The following RPL38 variants were observed in gnomAD, a reference collection of about 807,000 sequenced individuals.
RPL38 encodes the protein large ribosomal subunit protein eL38.
In RPL38, 2 loss-of-function variants were observed where a neutral mutation model predicts 12.8. The observed-to-expected ratio is 0.16, with a 90% CI of 0.06 to 0.49. The LOEUF (loss-of-function observed/expected upper bound fraction) is 0.49. RPL38 is among the 20% of genes least tolerant of loss of function. The pLI is 0.96. For synonymous variants in RPL38, 42 were observed against 30.1 expected (o/e 1.39, Z -1.29); for missense variants, 52 against 79.8 (o/e 0.65, Z 1.33).
intron 3 of RPL38, among the ~76,000 whole-genome samples, chr17:74,207,938 G>A (rs2050130097): frequency 6.6e-6 from 1 of 152,226 alleles, no homozygotes; most frequent in African/African-American, 2.4e-5. Flanking sequence ...TTAAGAACGA[G>A]AGTCCAGGCA....
intron 3 of RPL38, among the ~76,000 whole-genome samples, chr17:74,207,015 C>A (rs1424477042): frequency 3.3e-5 from 5 of 151,786 alleles, no homozygotes; most frequent in Non-Finnish European, 7.4e-5. Flanking sequence ...TGTGCCCGGC[C>A]TGCAATTTGC....
chr17:74,204,271 GC>G, intron 3 of RPL38, 81 bp downstream of exon 3: 2 of 1,318,110 alleles, frequency 1.5e-6, no homozygotes, highest in Non-Finnish European at 2.2e-6. Context: ...GGAATGTCAG[GC>G]AGGAGACGGT....
intron 3 of RPL38, among the ~76,000 whole-genome samples, chr17:74,206,726 T>C (rs4399563): frequency 0.012 from 1,815 of 145,294 alleles, 19 homozygotes; most frequent in African/African-American, 0.042. Context: ...TTTTTTTTTT[T>C]TTTTGACATG....
intron 2 of RPL38, 38 bp from the exon 3 acceptor site, chr17:74,204,092 T>A (rs1170021953): frequency 6.2e-7 from 1 of 1,613,394 alleles, no homozygotes; most frequent in Non-Finnish European, 8.5e-7. Context: ...GAGACGTGTC[T>A]CTTTCCTCTC....
At chr17:74,207,386 T>G (rs115941243) in intron 3 of RPL38, among the ~76,000 whole-genome samples, 2,854 of 152,312 alleles carry the variant, frequency 0.019, 94 homozygotes, top group African/African-American at 0.065. Context: ...GACATTGGGT[T>G]GCTTCTACAT....
rs757293319 is a variant in RPL38, at chr17:74,204,215, AGAAGAGC to A, written c.64+27_64+33del. ...TGTAAGTGGTTGCTCCGAAGGTTCAAGAAGAGCGGTGCCTAGCCTGGCACCGCTCCGG... is the reference window on the plus strand; with the variant it reads ...TGTAAGTGGTTGCTCCGAAGGTTCAAGGTGCCTAGCCTGGCACCGCTCCGG... On this transcript the variant is annotated intron_variant, in intron 3 of 4. Coordinates refer to ENST00000311111, the MANE Select transcript of RPL38 (RefSeq NM_000999.4). 10 of 1,611,410 alleles carry A rather than the reference AGAAGAGC, an allele frequency of 6.2e-6. No homozygotes were observed. The Middle Eastern group carries it at 8.3e-4, about 133-fold the overall frequency.
rs1216661528 is a variant in RPL38 at position 74,203,746 on chromosome 17, G to A, written c.-39+1G>A. On this transcript the variant is annotated splice_donor_variant, in intron 1 of 4. Transcript: ENST00000311111. LOFTEE classifies it low-confidence loss of function (5UTR_SPLICE). ...CTAGGGTGATACGTGGGTGAGAAAG[G>A]TAATCTGGGGCAATCCACTGCCAGG... is the stretch of plus-strand genomic sequence containing the variant. 1.6e-5 allele frequency: 10 copies of A among 615,216 alleles called. No homozygotes were observed. Among genetic ancestry groups the A allele is most frequent in the African/African-American group, 3.7e-5 (2 of 53,948 alleles). 38.1% of individuals were successfully genotyped at this position (615,216 alleles called of 1,614,324 possible). A position where few individuals can be genotyped will look rare whatever the true frequency, so the allele number is the denominator to read the frequency against.
chr17:74,210,616 T>C lies in RPL38; in HGVS notation c.*787T>C, dbSNP rs2050159315. On this transcript the variant is annotated 3_prime_UTR_variant, in exon 5 of 5. Transcript: ENST00000311111. ...GCTGTGCCACAGCGGGCAGCCCCTC[T>C]GGAAATGACTGGCATCATAAAATCT... 3.3e-5 allele frequency: 5 copies of C among 152,256 alleles called. No homozygotes were observed. Among genetic ancestry groups the C allele is most frequent in the Admixed American group, 3.3e-4 (5 of 15,284 alleles). The allele number at this position is 152,256 out of a possible 1,614,324, so 9.4% of individuals were successfully genotyped here.
intron 2 of RPL38, 82 bp from the exon 3 acceptor site, chr17:74,204,048 G>T: frequency 6.2e-7 from 1 of 1,609,594 alleles, no homozygotes; most frequent in African/African-American, 1.3e-5. Context: ...ATCTCCTGAG[G>T]CCGGGAGAAG....
intron 3 of RPL38, 119 bp from the exon 4 acceptor site, chr17:74,209,068 G>A: frequency 9.9e-7 from 1 of 1,005,282 alleles, no homozygotes; most frequent in Non-Finnish European, 1.5e-6. Flanking sequence ...CAGAGGGATG[G>A]TACTGGAGGT....
At position 74,209,216 on chromosome 17, in the gene RPL38, G is replaced by T. The variant is rs949286588; in HGVS notation, c.94G>T (p.Val32Leu). 6.2e-7 allele frequency: 1 copy of T among 1,613,934 alleles called. No homozygotes were observed. The highest frequency in any genetic ancestry group is 8.5e-7 in the Non-Finnish European group (1 of 1,179,910). ...SVKIKKNKDNVKFKVRCSRYL... is the reference protein window; with the variant it reads ...SVKIKKNKDNLKFKVRCSRYL... ...CAAGATCAAGAAAAATAAGGACAAC[G>T]TGAAGTTTAAAGTTCGATGCAGCAG... is the stretch of plus-strand genomic sequence containing the variant. Residue 32 changes from valine (V) to leucine (L), a missense_variant, in exon 4 of 5, where the codon GTG (valine) becomes TTG (leucine). Physicochemically the swap from Val to Leu is conservative, Grantham distance 32. Coordinates refer to ENST00000311111, the MANE Select transcript of RPL38 (RefSeq NM_000999.4).
rs1423577209 is a variant in RPL38, at chr17:74,210,632, C to T, written c.*803C>T. ...CAGCCCCTCTGGAAATGACTGGCAT[C>T]ATAAAATCTGTCTTCATACCCGAGG... On this transcript the variant is annotated 3_prime_UTR_variant, in exon 5 of 5. Transcript: ENST00000311111. 2 of 152,262 alleles carry T rather than the reference C, an allele frequency of 1.3e-5. No individual in the cohort carries two copies. The highest frequency in any genetic ancestry group is 1.3e-4 in the Admixed American group (2 of 15,284). 9.4% of individuals were successfully genotyped at this position (152,262 alleles called of 1,614,324 possible). A position where few individuals can be genotyped will look rare whatever the true frequency, so the allele number is the denominator to read the frequency against.
At chr17:74,205,348 T>C (rs1217649605) in intron 3 of RPL38, 2 of 152,216 alleles carry the variant, frequency 1.3e-5, no homozygotes, top group African/African-American at 4.8e-5. Context: ...GGAAGTGAGG[T>C]TGCATGGGAC....
intron 3 of RPL38, chr17:74,204,400 A>G: frequency 8.6e-6 from 5 of 579,596 alleles, no homozygotes; most frequent in South Asian, 8.2e-5. Flanking sequence ...ATCTTTAGCT[A>G]ATCGCGATCA....
At chr17:74,206,707 TC>T (rs1598205673) in intron 3 of RPL38, among the ~76,000 whole-genome samples, 2 of 129,176 alleles carry the variant, frequency 1.5e-5, no homozygotes, top group Admixed American at 7.4e-5. Flanking sequence ...GTTTTTTCTT[TC>T]TTTTTTTTTT....
intron 2 of RPL38, 78 bp downstream of exon 2, chr17:74,204,036 G>C (rs755072617): frequency 6.2e-7 from 1 of 1,612,536 alleles, no homozygotes; most frequent in South Asian, 1.1e-5. Context: ...AGCCTCCCAA[G>C]GATCTCCTGA....
At chr17:74,204,059 C>G (rs1476333265) in intron 2 of RPL38, 71 bp from the exon 3 acceptor site, 22 of 1,610,418 alleles carry the variant, frequency 1.4e-5, no homozygotes, top group Non-Finnish European at 1.7e-5. Flanking sequence ...CCGGGAGAAG[C>G]TGGTGGACTG....
intron 3 of RPL38, chr17:74,204,705 A>C (rs1055897361): frequency 6.6e-6 from 1 of 152,522 alleles, no homozygotes; most frequent in African/African-American, 2.4e-5. Flanking sequence ...TATTTAAAAA[A>C]ATTTTTTTTT....
chr17:74,204,469 G>C, intron 3 of RPL38: 1 of 454,138 alleles, frequency 2.2e-6, no homozygotes, highest in Non-Finnish European at 4.0e-6. Context: ...TTGTCGGAAC[G>C]GAATCTCCAC....
Sources: gnomAD v4.1 joint callset for allele counts (sites outside exome capture counted in the v4.1 genomes callset) on GRCh38, gnomAD v4.1.1 for gene constraint, MANE v1.5 for transcripts, NCBI Gene and HGNC (gene_info 2026-07-23, HGNC 2026-07-21) for gene names.